Variants in ZNF670 observed in about 807,000 individuals in gnomAD.
ZNF670 encodes the protein zinc finger protein 670.
In ZNF670, 7 loss-of-function variants were observed where a neutral mutation model predicts 10.9. The observed-to-expected ratio is 0.64, with a 90% confidence interval of 0.36 to 1.20. The LOEUF (loss-of-function observed/expected upper bound fraction) is 1.20, where lower values mean the gene tolerates loss of function less well. Ranked by LOEUF, ZNF670 falls within the 50% of genes most tolerant of loss-of-function variation. The pLI is 0.02. For synonymous variants in ZNF670, 136 were observed against 152.7 expected, an observed-to-expected ratio of 0.89 and a Z score of 0.81; for missense variants, 446 against 458.6, an observed-to-expected ratio of 0.97 and a Z score of 0.25.
At position 247,071,311 on chromosome 1, in the gene ZNF670, G is replaced by A. The variant is rs1036294887; in HGVS notation, c.3+7283C>T. Among the ~76,000 whole-genome samples, 12 of 152,134 alleles carry A rather than the reference G, an allele frequency of 7.9e-5. No individual in the cohort carries two copies. In the East Asian group the frequency reaches 1.3e-3, roughly 17 times the overall value. On this transcript the variant is annotated intron_variant, in intron 1 of 3. Coordinates refer to ENST00000366503, the MANE Select transcript of ZNF670 (RefSeq NM_033213.5). Reference sequence around the variant, plus strand: ...CAGCCATAGAAAAAAGCAAAATCACGCCCTTTGCAGCAACATGGATGTAGT... The same window carrying A: ...CAGCCATAGAAAAAAGCAAAATCACACCCTTTGCAGCAACATGGATGTAGT...
Position 247,037,762 on chromosome 1 carries a change from C to G in ZNF670, c.857G>C (p.Cys286Ser), listed in dbSNP as rs377329417. ...TGEKPYECIK[C>S]GKAFRCSRVL... ...TCTGGAACATCTAAAGGCTTTGCCACATTTTATACATTCATAGGGTTTTTC... is the reference window on the plus strand; with the variant it reads ...TCTGGAACATCTAAAGGCTTTGCCAGATTTTATACATTCATAGGGTTTTTC... Residue 286 changes from cysteine (C) to serine (S), a missense_variant, in exon 4 of 4, where the codon TGT (cysteine) becomes TCT (serine). Coordinates refer to ENST00000366503, the MANE Select transcript of ZNF670 (RefSeq NM_033213.5). The G allele has an allele frequency of 6.2e-7, 1 of 1,613,796 alleles. No individual in the cohort carries two copies. Among genetic ancestry groups the G allele is most frequent in the Non-Finnish European group, 8.5e-7 (1 of 1,179,932 alleles).
intron 1 of ZNF670, among the ~76,000 whole-genome samples, chr1:247,050,756 G>A (rs1383874476): frequency 6.6e-6 from 1 of 152,056 alleles, no homozygotes; most frequent in African/African-American, 2.4e-5. Flanking sequence ...TTACAGGCAT[G>A]AGCCACCGTG....
At chr1:247,063,389 C>G (rs886215110) in intron 1 of ZNF670, among the ~76,000 whole-genome samples, 1 of 151,866 alleles carries the variant, frequency 6.6e-6, no homozygotes, top group South Asian at 2.1e-4. Context: ...TGAGACCATC[C>G]TGGCTAACAC....
At chr1:247,064,320 G>A (rs1261773519) in intron 1 of ZNF670, among the ~76,000 whole-genome samples, 1 of 152,220 alleles carries the variant, frequency 6.6e-6, no homozygotes, top group African/African-American at 2.4e-5. Context: ...AGGCTCTGCT[G>A]AATTGTAGAA....
At chr1:247,039,357 A>T (rs1214072107) in intron 2 of ZNF670, 54 bp downstream of exon 2, 1 of 1,581,380 alleles carries the variant, frequency 6.3e-7, no homozygotes, top group African/African-American at 1.4e-5. Context: ...CACCACGCCC[A>T]GCCAAAACAC....
intron 1 of ZNF670, among the ~76,000 whole-genome samples, chr1:247,062,039 T>C (rs1670870959): frequency 1.3e-5 from 2 of 152,238 alleles, no homozygotes; most frequent in African/African-American, 4.8e-5. Context: ...ACTCTAGGGG[T>C]TGCCGATGGT....
chr1:247,074,746 A>C (rs1671214394), intron 1 of ZNF670, among the ~76,000 whole-genome samples: 1 of 152,104 alleles, frequency 6.6e-6, no homozygotes, highest in South Asian at 2.1e-4. Context: ...CTGAGATTCT[A>C]AAGCCACCAC....
intron 1 of ZNF670, among the ~76,000 whole-genome samples, chr1:247,064,196 CA>C (rs1670931312): frequency 6.6e-6 from 1 of 152,210 alleles, no homozygotes; most frequent in African/African-American, 2.4e-5. Flanking sequence ...TACCCGCAAG[CA>C]GGTCATAGGG....
chr1:247,049,971 T>G (rs1670553092), intron 1 of ZNF670, among the ~76,000 whole-genome samples: 1 of 152,240 alleles, frequency 6.6e-6, no homozygotes, highest in South Asian at 2.1e-4. Flanking sequence ...GAATGTTCCA[T>G]GTGCTGATGA....
At position 247,037,368 on chromosome 1, in the gene ZNF670, A is replaced by T; in HGVS notation, c.*81T>A. Reference sequence around the variant, plus strand: ...TCTAATTTGAGTTTTTAATTTTTTCACGTGTTCTAATGAAACTAGAATAAC... The same window carrying T: ...TCTAATTTGAGTTTTTAATTTTTTCTCGTGTTCTAATGAAACTAGAATAAC... On this transcript the variant is annotated 3_prime_UTR_variant, in exon 4 of 4. Transcript: ENST00000366503. 6.8e-7 allele frequency: 1 copy of T among 1,465,696 alleles called. No homozygotes were observed. The highest frequency in any genetic ancestry group is 9.1e-7 in the Non-Finnish European group (1 of 1,103,192). 90.8% of individuals were successfully genotyped at this position (1,465,696 alleles called of 1,614,324 possible). A position where few individuals can be genotyped will look rare whatever the true frequency, so the allele number is the denominator to read the frequency against.
At chr1:247,070,887 T>G (rs1423852428) in intron 1 of ZNF670, among the ~76,000 whole-genome samples, 2 of 152,244 alleles carry the variant, frequency 1.3e-5, no homozygotes, top group East Asian at 3.8e-4. Flanking sequence ...TGAAAAATTA[T>G]GCTCAACATC....
At chr1:247,058,709 T>TA (rs59634852) in intron 1 of ZNF670, among the ~76,000 whole-genome samples, 20,124 of 124,188 alleles carry the variant, frequency 0.16, 2,064 homozygotes, top group African/African-American at 0.29. Context: ...TACAGACAGT[T>TA]AAAAAAAAAA....
intron 1 of ZNF670, among the ~76,000 whole-genome samples, chr1:247,063,178 A>G (rs960834808): frequency 1.3e-5 from 2 of 152,234 alleles, no homozygotes; most frequent in Non-Finnish European, 1.5e-5. Flanking sequence ...ACTCATTGAA[A>G]CAAATGACAA....
At chr1:247,070,433 T>C (rs928922421) in intron 1 of ZNF670, among the ~76,000 whole-genome samples, 1 of 152,170 alleles carries the variant, frequency 6.6e-6, no homozygotes, top group Non-Finnish European at 1.5e-5. Context: ...ATCACGCCAC[T>C]GCACTCCAGC....
At chr1:247,072,838 ATG>A (rs1491541577) in intron 1 of ZNF670, among the ~76,000 whole-genome samples, 14,536 of 105,194 alleles carry the variant, frequency 0.14, 1,671 homozygotes, top group South Asian at 0.21. Flanking sequence ...ATATATATAT[ATG>A]CATACACACA....
At chr1:247,055,250 C>T (rs1670688420) in intron 1 of ZNF670, among the ~76,000 whole-genome samples, 1 of 152,186 alleles carries the variant, frequency 6.6e-6, no homozygotes, top group Non-Finnish European at 1.5e-5. Flanking sequence ...CTGGTGAGCA[C>T]TTTCCTTTCC....
intron 1 of ZNF670, among the ~76,000 whole-genome samples, chr1:247,073,116 GT>G (rs1671177021): frequency 6.6e-6 from 1 of 152,048 alleles, no homozygotes; most frequent in African/African-American, 2.4e-5. Flanking sequence ...TGACTTTAAA[GT>G]CTTATCATTT....
In ZNF670 at chr1:247,037,938, A is replaced by G; in HGVS notation, c.681T>C (p.Cys227=). ...AAGTGAATGATTTACCACATTTCTT[A>G]CATGCATAGGGTTTCTCTCCAGTAT... ...RTHTGEKPYA[C]KKCGKSFTFS... Residue 227 remains cysteine, a synonymous_variant, in exon 4 of 4, where the codon TGT becomes TGC. Transcript: ENST00000366503. 1 of 1,613,962 alleles carries G rather than the reference A, an allele frequency of 6.2e-7. No homozygotes were observed. Among genetic ancestry groups the G allele is most frequent in the Non-Finnish European group, 8.5e-7 (1 of 1,179,976 alleles).
chr1:247,063,806 C>T (rs761335067), intron 1 of ZNF670, among the ~76,000 whole-genome samples: 8 of 152,138 alleles, frequency 5.3e-5, no homozygotes, highest in Non-Finnish European at 1.0e-4. Context: ...AACTCTCCTC[C>T]GATGACTCTC....
Sources: gnomAD v4.1 joint callset for allele counts (sites outside exome capture counted in the v4.1 genomes callset) on GRCh38, gnomAD v4.1.1 for gene constraint, MANE v1.5 for transcripts, NCBI Gene and HGNC (gene_info 2026-07-23, HGNC 2026-07-21) for gene names.